The following DSG4 variants were observed in gnomAD, a reference collection of about 807,000 sequenced individuals.
DSG4 encodes desmoglein 4.
In DSG4, 87 loss-of-function variants were observed where a neutral mutation model predicts 93.1. The observed-to-expected ratio is 0.93, with a 90% CI of 0.79 to 1.12. DSG4 has a LOEUF of 1.12. Ranked by LOEUF, DSG4 falls within the 50% of genes most tolerant of loss-of-function variation. DSG4 has a pLI of 0.00. For synonymous variants in DSG4, 432 were observed against 452.9 expected (o/e 0.95, Z 0.59); for missense variants, 1,373 against 1,285.7 (o/e 1.07, Z -1.04).
chr18:31,383,779 A>C (rs1052338446), intron 1 of DSG4, among the ~76,000 whole-genome samples: 4 of 152,168 alleles, frequency 2.6e-5, no homozygotes, highest in Non-Finnish European at 5.9e-5. Context: ...ATAGATTGTG[A>C]AATTATCTGG....
At chr18:31,400,825 T>G (rs1322176089) in intron 9 of DSG4, 56 bp from the exon 10 acceptor site, 7 of 1,582,534 alleles carry the variant, frequency 4.4e-6, no homozygotes, top group Non-Finnish European at 6.1e-6. Context: ...GTTACATGAT[T>G]TAAAAGTACT....
chr18:31,407,060 G>C lies in DSG4; in HGVS notation c.1933+687G>C, dbSNP rs1156503114. On this transcript the variant is annotated intron_variant, in intron 12 of 15. Transcript: ENST00000308128. ...CAAAGTGCTGGGATTACAGGCATGA[G>C]CCACTGCACCCTGCTGAGGATTTCT... Among the ~76,000 whole-genome samples, 8 of 152,278 alleles carry C rather than the reference G, an allele frequency of 5.3e-5. No individual in the cohort carries two copies. The East Asian group carries it at 7.7e-4, about 15-fold the overall frequency.
At chr18:31,378,237 A>G (rs1034973305) in intron 1 of DSG4, among the ~76,000 whole-genome samples, 1 of 152,234 alleles carries the variant, frequency 6.6e-6, no homozygotes, top group African/African-American at 2.4e-5. Context: ...TGTTACAATG[A>G]TCATTATTTA....
chr18:31,396,970 T>C (rs1473756990), intron 8 of DSG4, among the ~76,000 whole-genome samples: 1 of 152,148 alleles, frequency 6.6e-6, no homozygotes, highest in East Asian at 1.9e-4. Flanking sequence ...AAACAGAACA[T>C]ACACACTCAG....
Position 31,411,326 on chromosome 18 carries a change from A to T in DSG4, c.2233A>T (p.Met745Leu). 6.2e-7 allele frequency: 1 copy of T among 1,614,144 alleles called. No individual in the cohort carries two copies. Among genetic ancestry groups the T allele is most frequent in the Non-Finnish European group, 8.5e-7 (1 of 1,180,030 alleles). The change falls in exon 15 of 16, where the codon ATG becomes TTG. Residue 745 changes from methionine (M) to leucine (L), a missense_variant. Met to Leu is a conservative substitution (Grantham distance 15, BLOSUM62 2). Transcript: ENST00000308128. ...NTGMGTAVGL[M>L]AAGAAGASGA... ...AGGTATGGGGACAGCCGTTGGCCTC[A>T]TGGCCGCAGGGGCCGCAGGAGCCTC...
Position 31,385,277 on chromosome 18 carries a change from G to A in DSG4, c.84+106G>A, listed in dbSNP as rs939276626. 1.9e-5 allele frequency: 16 copies of A among 848,086 alleles called. No homozygotes were observed. In the Admixed American group the frequency reaches 2.6e-4, roughly 14 times the overall value. The allele number at this position is 848,086 out of a possible 1,614,324, so 52.5% of individuals were successfully genotyped here. ...GAATATTTGAAATTGTAATTATCCA[G>A]GTAAAAGTTAAGAGAAAGAACTAGT... is the stretch of plus-strand genomic sequence containing the variant. On this transcript the variant is annotated intron_variant, in intron 2 of 15. Coordinates refer to ENST00000308128, the MANE Select transcript of DSG4 (RefSeq NM_177986.5).
At position 31,386,819 on chromosome 18, in the gene DSG4, A is replaced by G. The variant is rs778441344; in HGVS notation, c.216A>G (p.Lys72=). 6 of 1,613,000 alleles carry G rather than the reference A, an allele frequency of 3.7e-6. No individual in the cohort carries two copies. The highest frequency in any genetic ancestry group is 5.1e-6 in the Non-Finnish European group (6 of 1,179,230). The change falls in exon 3 of 16, where the codon AAA becomes AAG. Residue 72 remains lysine (K), a splice_region_variant and synonymous_variant. Coordinates refer to ENST00000308128, the MANE Select transcript of DSG4 (RefSeq NM_177986.5). The part of the protein sequence containing the change: ...EDNSKRNPIA[K]IRSDCESNQK... ...ACTCGAAGAGGAACCCCATTGCCAA[A>G]GTAAGTGATGAAGCAATCTGATGAC...
rs2072525990 is a variant in DSG4 at position 31,413,714 on chromosome 18, G to A, written c.*119G>A. 3.0e-6 allele frequency: 4 copies of A among 1,324,818 alleles called. No homozygotes were observed. Among genetic ancestry groups the A allele is most frequent in the Middle Eastern group, 2.1e-4 (1 of 4,788 alleles). The allele number at this position is 1,324,818 out of a possible 1,614,324, so 82.1% of individuals were successfully genotyped here. A position where few individuals can be genotyped will look rare whatever the true frequency, so the allele number is the denominator to read the frequency against. On this transcript the variant is annotated 3_prime_UTR_variant, in exon 16 of 16. Coordinates refer to ENST00000308128, the MANE Select transcript of DSG4 (RefSeq NM_177986.5). ...GTCAACAAATACTCAGATATTCTAA[G>A]GTCAATGCCATTATTTGATTATACC... is the stretch of plus-strand genomic sequence containing the variant.
rs759072801 is a variant in DSG4 at position 31,392,270 on chromosome 18, G to C, written c.935G>C (p.Gly312Ala). Residue 312 changes from glycine (G) to alanine (A), a missense_variant, in exon 8 of 16, where the codon GGA (glycine) becomes GCA (alanine). Coordinates refer to ENST00000308128, the MANE Select transcript of DSG4 (RefSeq NM_177986.5). The part of the protein sequence containing the change: ...NWLAQYLILS[G>A]NDGNWFDIQT... Reference sequence around the variant, plus strand: ...TTGGCTCAATATTTAATTCTCTCTGGAAATGATGGGAATTGGTTCGATATT... The same window carrying C: ...TTGGCTCAATATTTAATTCTCTCTGCAAATGATGGGAATTGGTTCGATATT... 1 of 1,613,710 alleles carries C rather than the reference G, an allele frequency of 6.2e-7. No homozygotes were observed. The highest frequency in any genetic ancestry group is 1.1e-5 in the South Asian group (1 of 91,054).
At chr18:31,408,074 G>A (rs966038237) in intron 12 of DSG4, among the ~76,000 whole-genome samples, 1 of 152,192 alleles carries the variant, frequency 6.6e-6, no homozygotes, top group Non-Finnish European at 1.5e-5. Context: ...TAGAATAGGA[G>A]AGGAATACCC....
At chr18:31,392,628 C>G (rs957040890) in intron 8 of DSG4, among the ~76,000 whole-genome samples, 1 of 151,970 alleles carries the variant, frequency 6.6e-6, no homozygotes, top group Admixed American at 6.6e-5. Context: ...TGGGAGTTCA[C>G]AGTGCAATAA....
chr18:31,402,367 G>C (rs2072377395), intron 10 of DSG4, among the ~76,000 whole-genome samples: 1 of 152,096 alleles, frequency 6.6e-6, no homozygotes, highest in African/African-American at 2.4e-5. Context: ...TAATAGAAGA[G>C]CTACCAAAGA....
chr18:31,400,762 AT>A (rs2144198397), intron 9 of DSG4, 118 bp from the exon 10 acceptor site: 1 of 998,572 alleles, frequency 1.0e-6, no homozygotes, highest in African/African-American at 1.6e-5. Context: ...AACCAAGGCA[AT>A]CATCACTATA....
At chr18:31,390,892 T>C in intron 6 of DSG4, 70 bp downstream of exon 6, 2 of 1,560,198 alleles carry the variant, frequency 1.3e-6, no homozygotes, top group African/African-American at 1.4e-5. Context: ...AAATGATCCA[T>C]GTGTACCCTT....
At chr18:31,411,511 C>T (rs990596579) in intron 15 of DSG4, 63 bp downstream of exon 15, 1 of 1,565,912 alleles carries the variant, frequency 6.4e-7, no homozygotes, top group African/African-American at 1.4e-5. Context: ...TAGTAAAATA[C>T]TCACAATGGT....
chr18:31,399,884 T>A (rs6506920), intron 9 of DSG4, among the ~76,000 whole-genome samples: 123,395 of 152,108 alleles, frequency 0.81, 50,391 homozygotes, highest in East Asian at 0.95. Flanking sequence ...GGGCAATAAG[T>A]CACCATAAAA....
rs2072392735 is a variant in DSG4, at chr18:31,403,532, C to T, written c.1534C>T (p.Leu512Phe). 2.5e-6 allele frequency: 4 copies of T among 1,613,994 alleles called. No homozygotes were observed. The highest frequency in any genetic ancestry group is 2.5e-6 in the Non-Finnish European group (3 of 1,179,944). ...CATCTGCATTGACTCTCCATCAGTC[C>T]TTATCTCTGTTAATGAACATTCTTA... The part of the protein sequence containing the change: ...RTICIDSPSV[L>F]ISVNEHSYGS... The change falls in exon 11 of 16, where the codon CTT (leucine) becomes TTT (phenylalanine). Residue 512 changes from leucine to phenylalanine, a missense_variant. Coordinates refer to ENST00000308128, the MANE Select transcript of DSG4 (RefSeq NM_177986.5).
rs2072352751 is a variant in DSG4 at position 31,400,457 on chromosome 18, G to T, written c.1278-424G>T. 2.0e-5 allele frequency among the ~76,000 whole-genome samples: 3 copies of T among 152,116 alleles called. No individual in the cohort carries two copies. In the South Asian group the frequency reaches 6.2e-4, roughly 32 times the overall value. On this transcript the variant is annotated intron_variant, in intron 9 of 15. Coordinates refer to ENST00000308128, the MANE Select transcript of DSG4 (RefSeq NM_177986.5). ...TCACACTGAACAGAGGATATCACAA[G>T]CCCCCAACAGGCTATCAGTGAGGTG...
intron 2 of DSG4, 77 bp downstream of exon 2, chr18:31,385,248 A>C: frequency 9.6e-7 from 1 of 1,042,730 alleles, no homozygotes; most frequent in Non-Finnish European, 1.4e-6. Flanking sequence ...ATATATAAAA[A>C]TCAGAATATT....
Sources: allele counts gnomAD v4.1 joint callset (sites outside exome capture counted in the v4.1 genomes callset), GRCh38; gene constraint gnomAD v4.1.1; transcripts MANE v1.5; gene names NCBI Gene and HGNC (gene_info 2026-07-23, HGNC 2026-07-21).